IQSEC2: variants seen among roughly 807,000 people sequenced by gnomAD.
IQSEC2 encodes the protein IQ motif and SEC7 domain-containing protein 2.
In IQSEC2, 6 loss-of-function variants were observed where a neutral mutation model predicts 74.6. The ratio of observed to expected loss-of-function variants is 0.08; its 90% CI spans 0.04 to 0.16. The LOEUF (loss-of-function observed/expected upper bound fraction) is 0.16, where lower values mean the gene tolerates loss of function less well. IQSEC2 is among the 10% of genes least tolerant of loss of function. The pLI, the probability that IQSEC2 is intolerant of heterozygous loss-of-function variation, is 1.00. For missense variants in IQSEC2, 734 were observed against 1,306.2 expected, an observed-to-expected ratio of 0.56 and a Z score of 6.75; for synonymous variants, 494 against 544.5, an observed-to-expected ratio of 0.91 and a Z score of 1.29.
chrX:53,254,483 C>A lies in IQSEC2; in HGVS notation c.1401+47G>T, dbSNP rs1189111366. ...TCTAGGTAAAAAGTAGCAGGAGTAG[C>A]CAGAACACGGGGATGGGGAAGAAAG... On this transcript the variant is annotated intron_variant, in intron 4 of 14. Transcript: ENST00000642864. The A allele has an allele frequency of 3.5e-6, 4 of 1,153,071 alleles. No homozygotes were observed. The Admixed American group carries it at 1.1e-4, about 31-fold the overall frequency.
intron 9 of IQSEC2, among the ~76,000 whole-genome samples, chrX:53,242,744 T>C (rs1569296891): frequency 9.0e-6 from 1 of 111,407 alleles, no homozygotes; most frequent in Non-Finnish European, 1.9e-5. Flanking sequence ...TTTTTTTTTT[T>C]CTTTTTTTGA....
In IQSEC2 at chrX:53,250,640, G is replaced by A. The variant is rs1556863155; in HGVS notation, c.1936C>T (p.Arg646Cys). 1 of 1,209,076 alleles carries A rather than the reference G, an allele frequency of 8.3e-7. No individual in the cohort carries two copies. Among genetic ancestry groups the A allele is most frequent in the Admixed American group, 2.2e-5 (1 of 46,028 alleles). ...GPPGRAPIPHRHYPAPEGPAP... is the reference protein window; with the variant it reads ...GPPGRAPIPHCHYPAPEGPAP... The stretch of plus-strand genomic sequence containing the variant: ...GGGCCTTCAGGGGCTGGGTAGTGGC[G>A]GTGTGGGATCGGGGCCCTGCCTGGT... The change falls in exon 5 of 15, where the codon CGC (arginine) becomes TGC (cysteine). Residue 646 changes from arginine to cysteine, a missense_variant. By Grantham distance (180) the Arg-to-Cys change is radical. Coordinates refer to ENST00000642864, the MANE Select transcript of IQSEC2 (RefSeq NM_001111125.3).
At chrX:53,254,109 T>C (rs2074429754) in intron 4 of IQSEC2, among the ~76,000 whole-genome samples, 1 of 111,169 alleles carries the variant, frequency 9.0e-6, no homozygotes, top group Non-Finnish European at 1.9e-5. Flanking sequence ...GGCAGGTGGA[T>C]CACCTGAGGT....
At chrX:53,315,055 G>A (rs1355120181) in intron 1 of IQSEC2, among the ~76,000 whole-genome samples, 1 of 111,759 alleles carries the variant, frequency 8.9e-6, no homozygotes, top group Non-Finnish European at 1.9e-5. Flanking sequence ...ACCTCGGGCA[G>A]GTCACTGTAC....
intron 1 of IQSEC2, among the ~76,000 whole-genome samples, chrX:53,308,248 AACAGACCTTGT>A (rs1302123568): frequency 3.7e-5 from 4 of 109,421 alleles, no homozygotes; most frequent in Non-Finnish European, 7.6e-5. Context: ...GTGAATAAAA[AACAGACCTTGT>A]TCTGAATGCT....
intron 1 of IQSEC2, among the ~76,000 whole-genome samples, chrX:53,309,141 G>GA (rs782675003): frequency 1.4e-3 from 150 of 108,006 alleles, no homozygotes; most frequent in Non-Finnish European, 2.3e-3. Flanking sequence ...GGAGTGTTGA[G>GA]AAAGAGTCAG....
chrX:53,290,055 C>T (rs782479258), intron 2 of IQSEC2, among the ~76,000 whole-genome samples: 5 of 111,630 alleles, frequency 4.5e-5, no homozygotes, highest in African/African-American at 1.3e-4. Context: ...CGAGAGCTCC[C>T]GTGGTGATGG....
At chrX:53,282,820 G>A (rs1165856605) in intron 2 of IQSEC2, among the ~76,000 whole-genome samples, 2 of 107,214 alleles carry the variant, frequency 1.9e-5, no homozygotes, top group African/African-American at 6.8e-5. Context: ...CCTAGCTCCT[G>A]CAGCAGCTTC....
chrX:53,311,133 A>AAAAG (rs1457574527), intron 1 of IQSEC2, among the ~76,000 whole-genome samples: 1 of 96,244 alleles, frequency 1.0e-5, no homozygotes, highest in Non-Finnish European at 2.1e-5. Context: ...AAAAAAAAAA[A>AAAAG]AAGAAAAGAA....
chrX:53,276,361 G>T (rs922567221), intron 2 of IQSEC2, among the ~76,000 whole-genome samples: 1 of 111,779 alleles, frequency 8.9e-6, no homozygotes, highest in Non-Finnish European at 1.9e-5. Context: ...GTTATTGCTG[G>T]TACTCAGAGA....
chrX:53,298,121 C>G (rs2075174351), intron 1 of IQSEC2, among the ~76,000 whole-genome samples: 1 of 108,115 alleles, frequency 9.2e-6, no homozygotes, highest in South Asian at 4.2e-4. Context: ...CACAGCGAGA[C>G]TCCGTCTCAA....
chrX:53,316,831 CAAAA>C (rs376964568), intron 1 of IQSEC2, among the ~76,000 whole-genome samples: 5 of 73,226 alleles, frequency 6.8e-5, no homozygotes, highest in South Asian at 6.1e-4. Context: ...AAACCAAAAC[CAAAA>C]AAAAAAAAAA....
intron 2 of IQSEC2, chrX:53,266,461 TGGA>T: frequency 1.3e-6 from 1 of 755,969 alleles, no homozygotes; most frequent in South Asian, 6.7e-5. Flanking sequence ...CTTCAAGCAG[TGGA>T]GGAGATGGCA....
Position 53,250,415 on chromosome X carries a change from G to C in IQSEC2, c.2161C>G (p.Leu721Val). 8.3e-7 allele frequency: 1 copy of C among 1,211,816 alleles called. No homozygotes were observed. The highest frequency in any genetic ancestry group is 1.1e-6 in the Non-Finnish European group (1 of 895,411). Residue 721 changes from leucine (L) to valine (V), a missense_variant, in exon 5 of 15, where the codon CTA (leucine) becomes GTA (valine). Leu to Val is a conservative substitution (Grantham distance 32). Transcript: ENST00000642864. ...CSSGSSSRDS[L>V]REPPATGLCK... is the part of the protein sequence containing the mutation. Reference sequence around the variant, plus strand: ...AGGCCGGTAGCCGGAGGCTCCCTTAGACTGTCCCGAGAAGAGGAGCCGGAG... The same window carrying C: ...AGGCCGGTAGCCGGAGGCTCCCTTACACTGTCCCGAGAAGAGGAGCCGGAG...
At chrX:53,265,798 G>T (rs1344602816) in intron 2 of IQSEC2, among the ~76,000 whole-genome samples, 1 of 112,120 alleles carries the variant, frequency 8.9e-6, no homozygotes, top group Non-Finnish European at 1.9e-5. Flanking sequence ...GATCCCTAAA[G>T]TTGTAGAATC....
At chrX:53,293,926 T>C (rs1556873681) in intron 1 of IQSEC2, among the ~76,000 whole-genome samples, 2 of 111,666 alleles carry the variant, frequency 1.8e-5, no homozygotes, top group African/African-American at 6.5e-5. Context: ...TTCAAGATGA[T>C]GAAACTGAGA....
chrX:53,235,302 A>G (rs2074110303), intron 14 of IQSEC2, 118 bp from the exon 15 acceptor site: 1 of 947,336 alleles, frequency 1.1e-6, no homozygotes, highest in African/African-American at 2.0e-5. Flanking sequence ...AAGTTGTAAT[A>G]AAAACCAAAT....
intron 1 of IQSEC2, among the ~76,000 whole-genome samples, chrX:53,299,017 G>T (rs1556874909): frequency 2.7e-5 from 3 of 110,922 alleles, no homozygotes; most frequent in African/African-American, 9.8e-5. Flanking sequence ...GCTACCAAGA[G>T]CTTGGGGTTT....
chrX:53,226,948 C>G (rs1293390148), downstream of IQSEC2: 1 of 112,131 alleles, frequency 8.9e-6, no homozygotes, highest in Non-Finnish European at 1.9e-5. Context: ...TATGCCAAAA[C>G]TCATTAAGAA....
Sources: allele counts gnomAD v4.1 joint callset (sites outside exome capture counted in the v4.1 genomes callset), GRCh38; gene constraint gnomAD v4.1.1; transcripts MANE v1.5; gene names NCBI Gene and HGNC (gene_info 2026-07-23, HGNC 2026-07-21).